The following RBFOX1 variants were observed in gnomAD, a reference collection of about 807,000 sequenced individuals.
RBFOX1 encodes the protein RNA binding protein fox-1 homolog 1.
RBFOX1 carries 8 observed loss-of-function variants against 57.7 expected under a neutral mutation model. The ratio of observed to expected loss-of-function variants is 0.14; its 90% confidence interval spans 0.08 to 0.25. The LOEUF is 0.25. RBFOX1 is among the 10% of genes least tolerant of loss of function. The pLI is 1.00. For synonymous variants in RBFOX1, 326 were observed against 222.4 expected, an observed-to-expected ratio of 1.47 and a Z score of -4.15; for missense variants, 611 against 548.5, an observed-to-expected ratio of 1.11 and a Z score of -1.14.
chr16:5,314,800 C>T (rs2064187420), intron 1 of RBFOX1, among the ~76,000 whole-genome samples: 1 of 149,246 alleles, frequency 6.7e-6, no homozygotes, highest in East Asian at 2.0e-4. Flanking sequence ...CACACCTGGC[C>T]TCATTTCTTT....
chr16:6,718,797 C>G (rs2065346261), intron 3 of RBFOX1, among the ~76,000 whole-genome samples: 1 of 152,174 alleles, frequency 6.6e-6, no homozygotes. Flanking sequence ...ACTCCAGTCT[C>G]CGCATAAACA....
At chr16:5,365,407 C>A (rs772916582) in intron 1 of RBFOX1, among the ~76,000 whole-genome samples, 1 of 152,224 alleles carries the variant, frequency 6.6e-6, no homozygotes, top group Non-Finnish European at 1.5e-5. Flanking sequence ...GTGTCTCACA[C>A]CTGTAATCCC....
intron 4 of RBFOX1, among the ~76,000 whole-genome samples, chr16:7,243,652 A>G (rs915326657): frequency 1.3e-5 from 2 of 152,038 alleles, no homozygotes; most frequent in Admixed American, 1.3e-4. Flanking sequence ...GGCTCAAGTG[A>G]TCCTCCCAGC....
chr16:5,925,518 T>C (rs967380744), intron 4 of RBFOX1, among the ~76,000 whole-genome samples: 6 of 152,174 alleles, frequency 3.9e-5, no homozygotes, highest in Non-Finnish European at 7.3e-5. Flanking sequence ...TCGTGGAACA[T>C]GAACATGATT....
intron 2 of RBFOX1, among the ~76,000 whole-genome samples, chr16:6,415,655 A>C (rs11865693): frequency 0.64 from 96,944 of 151,960 alleles, 31,797 homozygotes; most frequent in African/African-American, 0.8. Context: ...GAGCTGAGAT[A>C]ACACCACTGC....
At position 7,508,813 on chromosome 16, in the gene RBFOX1, A is replaced by G. The variant is rs370336961; in HGVS notation, c.28-9334A>G. Among the ~76,000 whole-genome samples the G allele has an allele frequency of 5.2e-4, 79 of 152,268 alleles. No individual in the cohort carries two copies. The East Asian group carries it at 9.1e-3, about 17-fold the overall frequency. On this transcript the variant is annotated intron_variant, in intron 4 of 15. Transcript: ENST00000550418. ...TCCTCTGTTATACAATTTAATTACA[A>G]CTTTATTCACTTCAGAAACCCCATC...
chr16:5,503,743 C>T (rs2151704307), intron 2 of RBFOX1, among the ~76,000 whole-genome samples: 1 of 152,288 alleles, frequency 6.6e-6, no homozygotes. Flanking sequence ...CATACCTGGC[C>T]AAGACAATGG....
At chr16:7,463,083 C>G (rs1457539812) in intron 4 of RBFOX1, among the ~76,000 whole-genome samples, 2 of 152,196 alleles carry the variant, frequency 1.3e-5, no homozygotes, top group African/African-American at 2.4e-5. Context: ...TAGATGCTGG[C>G]AAGTCCAAGA....
At chr16:6,228,118 C>T (rs2097431121) in intron 1 of RBFOX1, among the ~76,000 whole-genome samples, 1 of 152,106 alleles carries the variant, frequency 6.6e-6, no homozygotes, top group African/African-American at 2.4e-5. Context: ...CGAGACCAGC[C>T]TGGCCAACAT....
chr16:5,761,655 T>G (rs780723442), intron 3 of RBFOX1, among the ~76,000 whole-genome samples: 3 of 152,188 alleles, frequency 2.0e-5, no homozygotes, highest in African/African-American at 7.2e-5. Flanking sequence ...TGCCCCCATG[T>G]TTGAATTACC....
At chr16:5,356,212 C>T (rs893172862) in intron 1 of RBFOX1, among the ~76,000 whole-genome samples, 2 of 152,114 alleles carry the variant, frequency 1.3e-5, no homozygotes, top group African/African-American at 4.8e-5. Context: ...TTTTTGGCAG[C>T]CACCAGGAGC....
At chr16:5,292,911 C>G (rs991373422) in intron 1 of RBFOX1, among the ~76,000 whole-genome samples, 15 of 152,150 alleles carry the variant, frequency 9.9e-5, no homozygotes, top group African/African-American at 3.4e-4. Flanking sequence ...GTGTGAGCCA[C>G]TGTGCCCAGC....
chr16:5,435,106 G>A (rs2067875388), intron 1 of RBFOX1, among the ~76,000 whole-genome samples: 1 of 152,214 alleles, frequency 6.6e-6, no homozygotes, highest in South Asian at 2.1e-4. Context: ...TTAGACTGAA[G>A]AGTAGGAAAT....
At chr16:7,480,892 A>T (rs1386476812) in intron 4 of RBFOX1, among the ~76,000 whole-genome samples, 1 of 151,368 alleles carries the variant, frequency 6.6e-6, no homozygotes, top group African/African-American at 2.4e-5. Flanking sequence ...CTCTGAGGGG[A>T]TGCGAGGGAC....
intron 2 of RBFOX1, among the ~76,000 whole-genome samples, chr16:6,399,689 C>A (rs1041096921): frequency 6.6e-6 from 1 of 152,188 alleles, no homozygotes; most frequent in Non-Finnish European, 1.5e-5. Context: ...TACAGCAGTG[C>A]ACTCCACTAC....
intron 2 of RBFOX1, among the ~76,000 whole-genome samples, chr16:6,347,440 C>G (rs893233775): frequency 4.6e-5 from 7 of 152,156 alleles, no homozygotes; most frequent in Non-Finnish European, 1.0e-4. Context: ...AGATGCTAAA[C>G]AAATGGTTGC....
chr16:6,305,414 C>A (rs1266415928), intron 1 of RBFOX1, among the ~76,000 whole-genome samples: 1 of 152,092 alleles, frequency 6.6e-6, no homozygotes, highest in African/African-American at 2.4e-5. Flanking sequence ...TCCTCCTCCT[C>A]CTTCTTTTTC....
At chr16:7,337,789 A>T (rs1185102965) in intron 4 of RBFOX1, among the ~76,000 whole-genome samples, 2 of 152,124 alleles carry the variant, frequency 1.3e-5, no homozygotes, top group Admixed American at 6.5e-5. Context: ...GGTTCAAGCG[A>T]TTCTCCTGCC....
At position 5,282,110 on chromosome 16, in the gene RBFOX1, TG is replaced by T. The variant is rs577446335; in HGVS notation, c.219+42006del. Among the ~76,000 whole-genome samples the T allele has an allele frequency of 1.1e-3, 167 of 152,292 alleles. 1 individual carries two copies. The highest frequency in any genetic ancestry group is 3.8e-3 in the African/African-American group (158 of 41,550). ...CTTTACCATGCTATTCTTTTGATAGTGAATCAGTCTCATGAGATCTGAGAGG... is the reference window on the plus strand; with the variant it reads ...CTTTACCATGCTATTCTTTTGATAGTAATCAGTCTCATGAGATCTGAGAGG... On this transcript the variant is annotated intron_variant, in intron 1 of 2. Transcript: ENST00000585867.
Sources: allele counts gnomAD v4.1 joint callset (sites outside exome capture counted in the v4.1 genomes callset), GRCh38; gene constraint gnomAD v4.1.1; transcripts MANE v1.5; gene names NCBI Gene and HGNC (gene_info 2026-07-23, HGNC 2026-07-21).